PRKAR1B: variants seen among roughly 807,000 people sequenced by gnomAD.
PRKAR1B encodes the protein protein kinase cAMP-dependent type I regulatory subunit beta.
PRKAR1B carries 22 observed loss-of-function variants against 46.5 expected under a neutral mutation model. The observed-to-expected ratio is 0.47, with a 90% CI of 0.34 to 0.68. The LOEUF (loss-of-function observed/expected upper bound fraction) is 0.68. PRKAR1B is among the 30% of genes least tolerant of loss of function. PRKAR1B has a pLI of 0.01. For missense variants in PRKAR1B, 445 were observed against 535.6 expected (o/e 0.83, Z 1.67); for synonymous variants, 259 against 217.7 (o/e 1.19, Z -1.67).
intron 4 of PRKAR1B, among the ~76,000 whole-genome samples, chr7:621,372 C>T (rs1214593996): frequency 6.6e-6 from 1 of 152,112 alleles, no homozygotes; most frequent in Non-Finnish European, 1.5e-5. Flanking sequence ...AATCATCTCC[C>T]AATATTTAAA....
At chr7:718,867 T>TC (rs1487628117) in intron 1 of PRKAR1B, among the ~76,000 whole-genome samples, 10 of 134,102 alleles carry the variant, frequency 7.5e-5, no homozygotes, top group Middle Eastern at 3.5e-3. Flanking sequence ...TATAGGCTTT[T>TC]TTTTTTTTTT....
intron 7 of PRKAR1B, among the ~76,000 whole-genome samples, chr7:589,905 T>G (rs1326417794): frequency 6.6e-6 from 1 of 152,216 alleles, no homozygotes; most frequent in African/African-American, 2.4e-5. Context: ...ATCCAGCCCC[T>G]GGATGTTGCT....
rs936760810 is a variant in PRKAR1B at position 638,473 on chromosome 7, C to T, written c.441-31021G>A. ...GTGCACTCAGCCACCTGCCTCTCCC[C>T]GAGGGTCTCTCCTAGACACATCACG... On this transcript the variant is annotated intron_variant, in intron 4 of 10. Transcript: ENST00000537384. Among the ~76,000 whole-genome samples, 5 of 152,172 alleles carry T rather than the reference C, an allele frequency of 3.3e-5. No homozygotes were observed. The East Asian group carries it at 7.7e-4, about 23-fold the overall frequency.
At chr7:719,095 A>G (rs569945747) in intron 1 of PRKAR1B, among the ~76,000 whole-genome samples, 3 of 151,972 alleles carry the variant, frequency 2.0e-5, no homozygotes, top group African/African-American at 7.2e-5. Flanking sequence ...GCTGGAGTGC[A>G]GTGGCCTGAT....
chr7:660,464 A>T (rs1368163657), intron 4 of PRKAR1B, among the ~76,000 whole-genome samples: 2 of 115,628 alleles, frequency 1.7e-5, no homozygotes. Flanking sequence ...CCAAATACCT[A>T]CTCTGCCCCC....
chr7:640,947 G>A (rs1784355412), intron 4 of PRKAR1B, among the ~76,000 whole-genome samples: 1 of 152,114 alleles, frequency 6.6e-6, no homozygotes, highest in Admixed American at 6.6e-5. Context: ...CAGCCACTTT[G>A]GAAAAGAGAC....
At chr7:657,396 G>A (rs1268346143) in intron 4 of PRKAR1B, among the ~76,000 whole-genome samples, 1 of 149,114 alleles carries the variant, frequency 6.7e-6, no homozygotes, top group Non-Finnish European at 1.5e-5. Flanking sequence ...TGCATGGATG[G>A]ATGGATGGAT....
chr7:606,341 C>T (rs905595199), intron 5 of PRKAR1B, 102 bp from the exon 6 acceptor site: 44 of 963,256 alleles, frequency 4.6e-5, no homozygotes, highest in Non-Finnish European at 6.8e-5. Context: ...CAGAGACCCT[C>T]GAAGCAACAT....
chr7:654,743 G>A (rs1029290105), intron 4 of PRKAR1B, among the ~76,000 whole-genome samples: 1 of 146,350 alleles, frequency 6.8e-6, no homozygotes, highest in African/African-American at 2.5e-5. Flanking sequence ...CCTCATCACC[G>A]TCACCACCAT....
intron 4 of PRKAR1B, among the ~76,000 whole-genome samples, chr7:654,344 A>G (rs552421641): frequency 6.7e-6 from 1 of 150,180 alleles, no homozygotes; most frequent in South Asian, 2.1e-4. Context: ...CCTCATCACC[A>G]TCTTCATCTC....
intron 4 of PRKAR1B, among the ~76,000 whole-genome samples, chr7:649,264 G>T (rs928379534): frequency 2.0e-5 from 3 of 152,178 alleles, no homozygotes; most frequent in African/African-American, 7.2e-5. Context: ...ATTTCCCACA[G>T]AATTTATCCC....
intron 9 of PRKAR1B, among the ~76,000 whole-genome samples, chr7:564,775 TG>T (rs1178628733): frequency 6.6e-6 from 1 of 152,164 alleles, no homozygotes; most frequent in Non-Finnish European, 1.5e-5. Context: ...CCCAGGGCAC[TG>T]GCCCCCAAAA....
chr7:637,396 G>A (rs1784172973), intron 4 of PRKAR1B, among the ~76,000 whole-genome samples: 1 of 152,034 alleles, frequency 6.6e-6, no homozygotes, highest in South Asian at 2.1e-4. Context: ...CAGCCTGGGT[G>A]AAGGAGTAAG....
chr7:662,529 T>C (rs1217429122), intron 4 of PRKAR1B, among the ~76,000 whole-genome samples: 8 of 110,522 alleles, frequency 7.2e-5, no homozygotes, highest in Non-Finnish European at 1.2e-4. Flanking sequence ...TCCAAATACC[T>C]ACTCTCCACC....
chr7:596,772 C>T (rs1024903454), intron 6 of PRKAR1B, among the ~76,000 whole-genome samples: 3 of 152,242 alleles, frequency 2.0e-5, no homozygotes, highest in African/African-American at 7.2e-5. Flanking sequence ...TGCTTCCTCT[C>T]CACCCCAGGC....
At chr7:569,069 C>CAA (rs527942830) in intron 9 of PRKAR1B, among the ~76,000 whole-genome samples, 6 of 134,160 alleles carry the variant, frequency 4.5e-5, no homozygotes, top group African/African-American at 1.1e-4. Flanking sequence ...CTTACATTAA[C>CAA]AAAAAAAAAA....
chr7:645,610 G>A (rs1583349891), intron 4 of PRKAR1B, among the ~76,000 whole-genome samples: 2 of 152,176 alleles, frequency 1.3e-5, no homozygotes, highest in African/African-American at 2.4e-5. Context: ...TCCCACAGCC[G>A]TCACGGACAG....
intron 4 of PRKAR1B, among the ~76,000 whole-genome samples, chr7:624,437 G>GA (rs113289360): frequency 6.2e-4 from 89 of 143,972 alleles, no homozygotes; most frequent in Middle Eastern, 3.6e-3. Flanking sequence ...ATCTCAAAAA[G>GA]AAAAAAAAAA....
chr7:601,580 C>T (rs1480280611), intron 6 of PRKAR1B, among the ~76,000 whole-genome samples: 7 of 152,358 alleles, frequency 4.6e-5, no homozygotes, highest in Non-Finnish European at 8.8e-5. Flanking sequence ...CCTCCCACAT[C>T]ACAGGAGGGC....
Sources: allele counts gnomAD v4.1 joint callset (sites outside exome capture counted in the v4.1 genomes callset), GRCh38; gene constraint gnomAD v4.1.1; transcripts MANE v1.5; gene names NCBI Gene and HGNC (gene_info 2026-07-23, HGNC 2026-07-21).